Variants in KCNIP1 observed in about 807,000 individuals in gnomAD.
KCNIP1 encodes A-type potassium channel modulatory protein KCNIP1.
A neutral mutation model predicts 33.0 loss-of-function variants in KCNIP1; 18 were observed. That is an observed-to-expected ratio of 0.55 (90% CI 0.38 to 0.81). The LOEUF (loss-of-function observed/expected upper bound fraction) is 0.81. KCNIP1 is among the 30% of genes least tolerant of loss of function. The pLI, the probability that KCNIP1 is intolerant of heterozygous loss-of-function variation, is 0.00. For synonymous variants in KCNIP1, 93 were observed against 98.3 expected (o/e 0.95, Z 0.32); for missense variants, 238 against 271.6 (o/e 0.88, Z 0.87).
At chr5:170,523,641 T>C (rs1179692842) in intron 1 of KCNIP1, among the ~76,000 whole-genome samples, 1 of 152,094 alleles carries the variant, frequency 6.6e-6, no homozygotes, top group Non-Finnish European at 1.5e-5. Context: ...CTAATCCCTC[T>C]TCTTTACTCC....
At chr5:170,477,927 G>C (rs891975967) in intron 1 of KCNIP1, among the ~76,000 whole-genome samples, 1 of 152,170 alleles carries the variant, frequency 6.6e-6, no homozygotes, top group Admixed American at 6.5e-5. Context: ...ATTTGCAGTA[G>C]AGTATGACAA....
At chr5:170,462,264 C>CA (rs760686464) in intron 1 of KCNIP1, among the ~76,000 whole-genome samples, 25,133 of 51,742 alleles carry the variant, frequency 0.49, 4,806 homozygotes, top group Non-Finnish European at 0.51. Context: ...AACAAATTAG[C>CA]AAAAAAAAAA....
At chr5:170,576,258 C>A (rs778937831) in intron 1 of KCNIP1, among the ~76,000 whole-genome samples, 2 of 152,180 alleles carry the variant, frequency 1.3e-5, no homozygotes, top group Non-Finnish European at 2.9e-5. Flanking sequence ...TTGTTTGGGC[C>A]TCACAGTGTA....
intron 1 of KCNIP1, among the ~76,000 whole-genome samples, chr5:170,585,181 C>T (rs1757942616): frequency 6.6e-6 from 1 of 152,054 alleles, no homozygotes; most frequent in African/African-American, 2.4e-5. Flanking sequence ...GAGTTGAAAG[C>T]TTGCTCTCTT....
chr5:170,666,445 A>C (rs975233141), intron 1 of KCNIP1, among the ~76,000 whole-genome samples: 3 of 152,154 alleles, frequency 2.0e-5, no homozygotes, highest in African/African-American at 7.2e-5. Flanking sequence ...AGAACGCCTG[A>C]TTCCTTTTAT....
chr5:170,523,498 A>C (rs1319029347), intron 1 of KCNIP1, among the ~76,000 whole-genome samples: 2 of 152,146 alleles, frequency 1.3e-5, no homozygotes. Flanking sequence ...AGAAGAGGGT[A>C]ATCATTCCTC....
chr5:170,523,657 C>T (rs551877515), intron 1 of KCNIP1, among the ~76,000 whole-genome samples: 42 of 152,240 alleles, frequency 2.8e-4, no homozygotes, highest in South Asian at 4.1e-4. Flanking sequence ...ACTCCCTGCA[C>T]GTGTCACCTC....
At chr5:170,585,968 G>A (rs999110730) in intron 1 of KCNIP1, among the ~76,000 whole-genome samples, 15 of 152,218 alleles carry the variant, frequency 9.9e-5, no homozygotes, top group Non-Finnish European at 1.8e-4. Context: ...CCTGAAGAGC[G>A]TAGTGGTTGA....
chr5:170,562,047 C>G (rs1329050812), intron 1 of KCNIP1, among the ~76,000 whole-genome samples: 4 of 152,166 alleles, frequency 2.6e-5, no homozygotes, highest in Non-Finnish European at 5.9e-5. Context: ...AATCTGAAGT[C>G]AGACCGTCGT....
intron 1 of KCNIP1, among the ~76,000 whole-genome samples, chr5:170,650,399 T>C (rs2113720086): frequency 6.6e-6 from 1 of 152,294 alleles, no homozygotes; most frequent in African/African-American, 2.4e-5. Flanking sequence ...GTTTGCATTT[T>C]CTACAGTTTT....
At chr5:170,558,711 T>G (rs1034105580) in intron 1 of KCNIP1, among the ~76,000 whole-genome samples, 5 of 152,212 alleles carry the variant, frequency 3.3e-5, no homozygotes, top group African/African-American at 1.2e-4. Flanking sequence ...AATTTAAACT[T>G]TAATGGTCCC....
intron 1 of KCNIP1, among the ~76,000 whole-genome samples, chr5:170,662,351 T>A (rs1234829218): frequency 6.6e-6 from 1 of 152,174 alleles, no homozygotes; most frequent in Non-Finnish European, 1.5e-5. Flanking sequence ...GGAATGACCC[T>A]CCGTCACTGA....
intron 1 of KCNIP1, among the ~76,000 whole-genome samples, chr5:170,368,510 G>C (rs558525685): frequency 6.6e-6 from 1 of 152,024 alleles, no homozygotes; most frequent in Non-Finnish European, 1.5e-5. Context: ...TGATCCGCCC[G>C]CCTCAGCCTC....
At chr5:170,621,923 G>T (rs1182268054) in intron 1 of KCNIP1, among the ~76,000 whole-genome samples, 2 of 152,184 alleles carry the variant, frequency 1.3e-5, no homozygotes, top group African/African-American at 4.8e-5. Context: ...TCCTCAAGCT[G>T]CTCATAAGCC....
At chr5:170,532,046 T>C (rs1042361307) in intron 1 of KCNIP1, among the ~76,000 whole-genome samples, 4 of 152,164 alleles carry the variant, frequency 2.6e-5, no homozygotes, top group African/African-American at 9.7e-5. Context: ...GGCCAACTCC[T>C]CCATGACCTC....
intron 1 of KCNIP1, among the ~76,000 whole-genome samples, chr5:170,355,718 T>G (rs1763329193): frequency 6.6e-6 from 1 of 152,212 alleles, no homozygotes; most frequent in South Asian, 2.1e-4. Context: ...AGTGTTGGCC[T>G]CTGCAAGGAA....
intron 1 of KCNIP1, among the ~76,000 whole-genome samples, chr5:170,641,288 G>T (rs1760542311): frequency 6.6e-6 from 1 of 152,198 alleles, no homozygotes; most frequent in Non-Finnish European, 1.5e-5. Flanking sequence ...CTTGTTCAAG[G>T]TTAAGGTATG....
upstream of KCNIP1, among the ~76,000 whole-genome samples, chr5:170,502,319 A>C (rs896715788): frequency 4.1e-4 from 62 of 152,200 alleles, 1 homozygote; most frequent in Non-Finnish European, 4.4e-5. Context: ...AAAAGCAATA[A>C]ATGCTGCACA....
At chr5:170,714,115 G>C (rs902204895) in intron 1 of KCNIP1, among the ~76,000 whole-genome samples, 2 of 152,158 alleles carry the variant, frequency 1.3e-5, no homozygotes, top group Non-Finnish European at 2.9e-5. Context: ...GGAGGAGATG[G>C]TCATGGTCAC....
Sources: allele counts gnomAD v4.1 joint callset (sites outside exome capture counted in the v4.1 genomes callset), GRCh38; gene constraint gnomAD v4.1.1; transcripts MANE v1.5; gene names NCBI Gene and HGNC (gene_info 2026-07-23, HGNC 2026-07-21).